Variants in BACH1 observed in about 807,000 individuals in gnomAD.
BACH1 encodes BTB domain and CNC homolog 1, also known as transcription regulator protein BACH1.
BACH1 carries 35 observed loss-of-function variants against 52.9 expected under a neutral mutation model. The ratio of observed to expected loss-of-function variants is 0.66; its 90% CI spans 0.51 to 0.88. The LOEUF (loss-of-function observed/expected upper bound fraction) is 0.88, where lower values mean the gene tolerates loss of function less well. Ranked by LOEUF, BACH1 falls within the 40% of genes least tolerant of loss-of-function variation. BACH1 has a pLI of 0.00. For synonymous variants in BACH1, 321 were observed against 319.6 expected (o/e 1.00, Z -0.05); for missense variants, 808 against 872.6 (o/e 0.93, Z 0.93).
intron 4 of BACH1, 38 bp downstream of exon 4, chr21:29,329,731 C>T: frequency 7.2e-7 from 1 of 1,380,774 alleles, no homozygotes; most frequent in Non-Finnish European, 9.6e-7. Context: ...TTAAATTCCA[C>T]CACTTTCTTT....
chr21:29,322,539 C>T (rs1450885802), intron 2 of BACH1, among the ~76,000 whole-genome samples: 1 of 152,094 alleles, frequency 6.6e-6, no homozygotes, highest in African/African-American at 2.4e-5. Flanking sequence ...TAGCAGCATC[C>T]CTTGCTTTAG....
At chr21:29,340,311 T>A (rs1189789990) in intron 4 of BACH1, among the ~76,000 whole-genome samples, 1 of 152,208 alleles carries the variant, frequency 6.6e-6, no homozygotes, top group Admixed American at 6.5e-5. Flanking sequence ...GGGGAACAGA[T>A]GGGAACATTT....
At chr21:29,302,644 A>C (rs1465448462) in intron 1 of BACH1, among the ~76,000 whole-genome samples, 1 of 152,238 alleles carries the variant, frequency 6.6e-6, no homozygotes, top group Non-Finnish European at 1.5e-5. Flanking sequence ...AATACGGGGT[A>C]AGTGGTTAGA....
At chr21:29,301,589 G>T (rs571058708) in intron 1 of BACH1, among the ~76,000 whole-genome samples, 4 of 152,274 alleles carry the variant, frequency 2.6e-5, no homozygotes, top group Non-Finnish European at 4.4e-5. Flanking sequence ...AAAAAATACA[G>T]AATTTCATTT....
chr21:29,332,653 G>A (rs1459968472), intron 4 of BACH1, among the ~76,000 whole-genome samples: 2 of 152,222 alleles, frequency 1.3e-5, no homozygotes, highest in Admixed American at 6.5e-5. Flanking sequence ...CTCTCTATCC[G>A]AGAGTGGCTT....
Position 29,342,889 on chromosome 21 carries a change from C to G in BACH1, c.*56C>G. ...TTTTCTCCTGAAGTTTTGGCAGCGT[C>G]TTGAAAGCCTAATATGACCATCTGT... On this transcript the variant is annotated 3_prime_UTR_variant, in exon 5 of 5. Transcript: ENST00000286800. 1 of 1,494,016 alleles carries G rather than the reference C, an allele frequency of 6.7e-7. No homozygotes were observed. Among genetic ancestry groups the G allele is most frequent in the Non-Finnish European group, 9.0e-7 (1 of 1,110,916 alleles). 92.5% of individuals were successfully genotyped at this position (1,494,016 alleles called of 1,614,324 possible).
chr21:29,331,428 G>A (rs1197759571), intron 4 of BACH1, among the ~76,000 whole-genome samples: 1 of 152,112 alleles, frequency 6.6e-6, no homozygotes, highest in East Asian at 1.9e-4. Context: ...TTTATAAATG[G>A]ATACTAAGCA....
At position 29,356,081 on chromosome 21, in the gene BACH1, G is replaced by T. The variant is rs565151895; in HGVS notation, c.472+26388G>T. ...TCTTGCAAACTATCTGAGAAATCCT[G>T]TGAGAGTGTGTGGTAGTAGGATAAT... On this transcript the variant is annotated intron_variant, in intron 2 of 4. Transcript: ENST00000422809. Among the ~76,000 whole-genome samples the T allele has an allele frequency of 2.0e-4, 30 of 152,334 alleles. No homozygotes were observed. The South Asian group carries it at 5.8e-3, about 29-fold the overall frequency.
intron 1 of BACH1, among the ~76,000 whole-genome samples, chr21:29,306,913 A>AT (rs544584148): frequency 1.3e-4 from 19 of 151,126 alleles, no homozygotes; most frequent in South Asian, 2.1e-4. Context: ...AGAAGAAATA[A>AT]TTTTTTTTTT....
At chr21:29,354,064 T>A (rs547703327) in intron 2 of BACH1, among the ~76,000 whole-genome samples, 35 of 152,062 alleles carry the variant, frequency 2.3e-4, no homozygotes, top group African/African-American at 8.5e-4. Context: ...CCAATGGAGC[T>A]CTAAAAGATG....
intron 1 of BACH1, among the ~76,000 whole-genome samples, chr21:29,302,989 T>TG (rs2045567706): frequency 6.6e-6 from 1 of 152,218 alleles, no homozygotes; most frequent in Non-Finnish European, 1.5e-5. Flanking sequence ...TTGCCATTCT[T>TG]TGGCTAGTCT....
intron 3 of BACH1, 120 bp downstream of exon 3, chr21:29,327,513 CA>C: frequency 7.4e-7 from 1 of 1,344,536 alleles, no homozygotes; most frequent in Non-Finnish European, 1.0e-6. Context: ...GGAGGAAACT[CA>C]TACAAAATTA....
chr21:29,327,523 T>A, intron 3 of BACH1, 130 bp downstream of exon 3: 1 of 1,281,492 alleles, frequency 7.8e-7, no homozygotes, highest in Non-Finnish European at 1.1e-6. Context: ...CATACAAAAT[T>A]AATTGTAAGA....
chr21:29,322,831 T>TA (rs889389498), intron 2 of BACH1, among the ~76,000 whole-genome samples: 3 of 152,162 alleles, frequency 2.0e-5, no homozygotes, highest in Admixed American at 6.5e-5. Flanking sequence ...AAGAAAATGG[T>TA]AAAAAAGGCC....
At chr21:29,348,937 A>T (rs1340068859), downstream of BACH1, among the ~76,000 whole-genome samples, 2 of 152,038 alleles carry the variant, frequency 1.3e-5, no homozygotes, top group Admixed American at 6.5e-5. Flanking sequence ...TACTAAAAAT[A>T]CAAAAAATTA....
intron 1 of BACH1, among the ~76,000 whole-genome samples, chr21:29,311,151 C>A (rs1319521615): frequency 6.6e-6 from 1 of 152,100 alleles, no homozygotes; most frequent in Non-Finnish European, 1.5e-5. Context: ...TAATATTCAC[C>A]AGTATTAAAT....
chr21:29,313,985 C>T (rs1389048526), intron 1 of BACH1, among the ~76,000 whole-genome samples: 4 of 152,034 alleles, frequency 2.6e-5, no homozygotes, highest in Admixed American at 2.6e-4. Context: ...AATCATACCT[C>T]AAAGTTGCTT....
chr21:29,358,770 A>AAAAGAAAAGGAAAG (rs1409780180), intron 2 of BACH1, among the ~76,000 whole-genome samples: 1 of 108,890 alleles, frequency 9.2e-6, no homozygotes, highest in African/African-American at 3.3e-5. Flanking sequence ...AAAAGAAAAG[A>AAAAGAAAAGGAAAG]AAAGAAAGAA....
At chr21:29,324,064 C>T (rs534432415) in intron 2 of BACH1, among the ~76,000 whole-genome samples, 1 of 152,044 alleles carries the variant, frequency 6.6e-6, no homozygotes, top group African/African-American at 2.4e-5. Context: ...CCAGCCTGGC[C>T]AACATGGTGA....
Sources: gnomAD v4.1 joint callset for allele counts (sites outside exome capture counted in the v4.1 genomes callset) on GRCh38, gnomAD v4.1.1 for gene constraint, MANE v1.5 for transcripts, NCBI Gene and HGNC (gene_info 2026-07-23, HGNC 2026-07-21) for gene names.